The following RARA variants were observed in gnomAD, a reference collection of about 807,000 sequenced individuals.
The protein encoded by RARA is retinoic acid receptor alpha.
A neutral mutation model predicts 42.8 loss-of-function variants in RARA; 5 were observed. That is an observed-to-expected ratio of 0.12 (90% CI 0.06 to 0.25). The LOEUF (loss-of-function observed/expected upper bound fraction) is 0.25, where lower values mean the gene tolerates loss of function less well. RARA is among the 10% of genes least tolerant of loss of function. The pLI is 1.00. For synonymous variants in RARA, 256 were observed against 259.5 expected (o/e 0.99, Z 0.13); for missense variants, 402 against 628.7 (o/e 0.64, Z 3.86).
chr17:40,341,645 G>T (rs1393892436), intron 2 of RARA: 7 of 1,342,250 alleles, frequency 5.2e-6, no homozygotes, highest in Non-Finnish European at 6.7e-6. Context: ...GTGAGGCGCC[G>T]CCAGGCGAGT....
intron 2 of RARA, among the ~76,000 whole-genome samples, chr17:40,332,115 C>T (rs561317177): frequency 7.2e-5 from 11 of 152,294 alleles, no homozygotes; most frequent in African/African-American, 2.4e-4. Flanking sequence ...CAGTACCCTT[C>T]GCCGGCTGGC....
At position 40,326,447 on chromosome 17, in the gene RARA, C is replaced by T. The variant is rs1416787294; in HGVS notation, c.-362-4410C>T. On this transcript the variant is annotated intron_variant, in intron 1 of 8. Transcript: ENST00000254066. This position sits in a 1 kb window ranked among gnomAD's most constrained non-coding sequence, Gnocchi z 5.2. ...CTGGTTCTTTCTCCCATCTTCGTGG[C>T]TCAGAAAGCTCTCACCTTTTTCTCT... 1 of 152,284 alleles carries T rather than the reference C, an allele frequency of 6.6e-6. No individual in the cohort carries two copies. The highest frequency in any genetic ancestry group is 6.5e-5 in the Admixed American group (1 of 15,284). The allele number at this position is 152,284 out of a possible 1,614,324, so 9.4% of individuals were successfully genotyped here.
chr17:40,336,327 C>T (rs1448334065), intron 2 of RARA, among the ~76,000 whole-genome samples: 1 of 152,208 alleles, frequency 6.6e-6, no homozygotes, highest in Non-Finnish European at 1.5e-5. Flanking sequence ...CCGCCCACCT[C>T]GGCATCCCAA....
chr17:40,347,425 C>T lies in RARA; in HGVS notation c.179-891C>T, dbSNP rs140534648. Among the ~76,000 whole-genome samples the T allele has an allele frequency of 1.2e-3, 189 of 152,324 alleles. 1 individual carries two copies. Among genetic ancestry groups the T allele is most frequent in the African/African-American group, 4.3e-3 (178 of 41,570 alleles). ...ACCCAACCCAGCCCTGTTCTGCCTA[C>T]AGTGATGGGCATGGAGCCAGACACT... is the stretch of plus-strand genomic sequence containing the variant. On this transcript the variant is annotated intron_variant, in intron 2 of 8. Transcript: ENST00000254066.
intron 2 of RARA, among the ~76,000 whole-genome samples, chr17:40,343,758 A>T (rs1193115654): frequency 1.3e-5 from 2 of 151,792 alleles, no homozygotes; most frequent in African/African-American, 4.8e-5. Context: ...CCTTCCTAAG[A>T]GGGGCACTGA....
At chr17:40,341,415 C>A in intron 2 of RARA, 1 of 1,518,226 alleles carries the variant, frequency 6.6e-7, no homozygotes, top group South Asian at 1.3e-5. Flanking sequence ...ATGACACAAG[C>A]CGGTGTCTCA....
In RARA at chr17:40,345,043, C is replaced by A. The variant is rs942981925; in HGVS notation, c.179-3273C>A. ...AGGAGGTGGCCTGGGTTCTGCAGGG[C>A]CCTAGGGACATTGCCTCCCTCCCCA... On this transcript the variant is annotated intron_variant, in intron 2 of 8. Coordinates refer to ENST00000254066, the MANE Select transcript of RARA (RefSeq NM_000964.4). This position sits in a 1 kb window ranked among gnomAD's most constrained non-coding sequence, Gnocchi z 4.8. 2.6e-5 allele frequency among the ~76,000 whole-genome samples: 4 copies of A among 152,282 alleles called. 1 individual carries two copies. The highest frequency in any genetic ancestry group is 2.6e-4 in the Admixed American group (4 of 15,308).
At position 40,320,417 on chromosome 17, in the gene RARA, G is replaced by A. The variant is rs1014843059; in HGVS notation, c.-362-10440G>A. Among the ~76,000 whole-genome samples the A allele has an allele frequency of 3.9e-5, 6 of 152,138 alleles. No individual in the cohort carries two copies. The highest frequency in any genetic ancestry group is 7.4e-5 in the Non-Finnish European group (5 of 68,024). On this transcript the variant is annotated intron_variant, in intron 1 of 8. Coordinates refer to ENST00000254066, the MANE Select transcript of RARA (RefSeq NM_000964.4). The surrounding 1 kb of genome is among the most constrained non-coding windows in gnomAD (Gnocchi z 4.1). ...CACAGTCACCCACACATGCCATGAC[G>A]TGGTTCCTGCCACCCCATCTAAGTA...
At chr17:40,340,786 G>A (rs2034009483) in intron 2 of RARA, 2 of 399,144 alleles carry the variant, frequency 5.0e-6, no homozygotes, top group South Asian at 1.4e-4. Flanking sequence ...AGGTTCCCCA[G>A]GGTGTCCACA....
At chr17:40,333,792 A>G (rs944608463) in intron 2 of RARA, among the ~76,000 whole-genome samples, 1 of 152,118 alleles carries the variant, frequency 6.6e-6, no homozygotes, top group Non-Finnish European at 1.5e-5. Context: ...GCGTGCCACC[A>G]CACCAGGCTG....
chr17:40,314,202 C>T (rs552305346), intron 1 of RARA, among the ~76,000 whole-genome samples: 159 of 138,038 alleles, frequency 1.2e-3, no homozygotes, highest in Admixed American at 1.8e-3. Flanking sequence ...GGGGTGGGGA[C>T]GAGCTGGGGA....
intron 1 of RARA, among the ~76,000 whole-genome samples, chr17:40,322,555 C>T (rs1403605374): frequency 6.6e-6 from 1 of 152,122 alleles, no homozygotes; most frequent in Non-Finnish European, 1.5e-5. Flanking sequence ...GGCTTTATCC[C>T]GGCCCTCCCC....
chr17:40,315,144 A>G lies in RARA; in HGVS notation c.-363+5858A>G, dbSNP rs1470905356. Among the ~76,000 whole-genome samples, 446 of 117,670 alleles carry G rather than the reference A, an allele frequency of 3.8e-3. 7 individuals carry two copies. The highest frequency in any genetic ancestry group is 0.014 in the African/African-American group (379 of 27,310). 77.2% of individuals were successfully genotyped at this position (117,670 alleles called of 152,430 possible). ...TATGCTTATATGTGTATATATATATATATATATATATATATATATATATAT... is the reference window on the plus strand; with the variant it reads ...TATGCTTATATGTGTATATATATATGTATATATATATATATATATATATAT... On this transcript the variant is annotated intron_variant, in intron 1 of 8. Transcript: ENST00000254066.
rs2034428095 is a variant in RARA, at chr17:40,351,075, T to A, written c.470-835T>A. Among the ~76,000 whole-genome samples the A allele has an allele frequency of 6.6e-6, 1 of 152,032 alleles. No individual in the cohort carries two copies. The highest frequency in any genetic ancestry group is 2.4e-5 in the African/African-American group (1 of 41,386). ...TTTCAATAGAATTAAAGCTTCCGAA[T>A]GATAAACGTCTTGTCACAGCTGCAA... On this transcript the variant is annotated intron_variant, in intron 4 of 8. Coordinates refer to ENST00000254066, the MANE Select transcript of RARA (RefSeq NM_000964.4). The surrounding 1 kb of genome is among the most constrained non-coding windows in gnomAD (Gnocchi z 4.1).
intron 2 of RARA, among the ~76,000 whole-genome samples, chr17:40,338,126 C>G (rs749102248): frequency 6.6e-6 from 1 of 152,226 alleles, no homozygotes; most frequent in Non-Finnish European, 1.5e-5. Flanking sequence ...GAAGGAAGCC[C>G]GTCTTCCTTT....
Position 40,351,351 on chromosome 17 carries a change from G to A in RARA, c.470-559G>A, listed in dbSNP as rs1163437742. ...ACGACCCCATCGCTTCTTTAAAGCC[G>A]AGTGGTGTGTGCGGCTCAGCGCCCC... On this transcript the variant is annotated intron_variant, in intron 4 of 8. Transcript: ENST00000254066. This position sits in a 1 kb window ranked among gnomAD's most constrained non-coding sequence, Gnocchi z 4.1. 1.5e-5 allele frequency: 5 copies of A among 338,698 alleles called. No individual in the cohort carries two copies. Among genetic ancestry groups the A allele is most frequent in the South Asian group, 4.5e-5 (2 of 44,886 alleles). 21.0% of individuals were successfully genotyped at this position (338,698 alleles called of 1,614,324 possible). A position where few individuals can be genotyped will look rare whatever the true frequency, so the allele number is the denominator to read the frequency against.
chr17:40,348,275 G>A lies in RARA; in HGVS notation c.179-41G>A, dbSNP rs746935504. ...GGTGGAGCTTGGTACTAAGGATGGCGACCTAGGTCTCTAACTGCCCCTCCC... is the reference window on the plus strand; with the variant it reads ...GGTGGAGCTTGGTACTAAGGATGGCAACCTAGGTCTCTAACTGCCCCTCCC... On this transcript the variant is annotated intron_variant, in intron 2 of 8. Transcript: ENST00000254066. 4.6e-6 allele frequency: 7 copies of A among 1,510,388 alleles called. No homozygotes were observed. The African/African-American group carries it at 5.7e-5, about 12-fold the overall frequency. 93.6% of individuals were successfully genotyped at this position (1,510,388 alleles called of 1,614,324 possible). A position where few individuals can be genotyped will look rare whatever the true frequency, so the allele number is the denominator to read the frequency against.
chr17:40,328,374 T>G (rs1174739237), intron 1 of RARA, among the ~76,000 whole-genome samples: 1 of 152,104 alleles, frequency 6.6e-6, no homozygotes, highest in Non-Finnish European at 1.5e-5. Flanking sequence ...TTATTTTGAG[T>G]CTCTGTGGCC....
At chr17:40,341,923 A>G in intron 2 of RARA, 2 of 1,109,006 alleles carry the variant, frequency 1.8e-6, no homozygotes, top group Non-Finnish European at 2.3e-6. Context: ...TACTCTGTGT[A>G]CTCCTCATCT....
Sources: gnomAD v4.1 joint callset for allele counts (sites outside exome capture counted in the v4.1 genomes callset) on GRCh38, gnomAD v4.1.1 for gene constraint, Gnocchi (gnomAD v3.1) non-coding constraint, MANE v1.5 for transcripts, NCBI Gene and HGNC (gene_info 2026-07-23, HGNC 2026-07-21) for gene names.